The following MIPOL1 variants were observed in gnomAD, a reference collection of about 807,000 sequenced individuals.
MIPOL1 encodes the protein mirror-image polydactyly 1.
MIPOL1 carries 57 observed loss-of-function variants against 60.9 expected under a neutral mutation model. The ratio of observed to expected loss-of-function variants is 0.94; its 90% CI spans 0.76 to 1.17. MIPOL1 has a LOEUF of 1.17. Ranked by LOEUF, MIPOL1 falls within the 50% of genes most tolerant of loss-of-function variation. The pLI is 0.00. For synonymous variants in MIPOL1, 179 were observed against 168.8 expected (o/e 1.06, Z -0.47); for missense variants, 551 against 511.6 (o/e 1.08, Z -0.74).
chr14:37,249,299 G>A (rs1039476726), intron 3 of MIPOL1, among the ~76,000 whole-genome samples: 1 of 151,998 alleles, frequency 6.6e-6, no homozygotes, highest in Non-Finnish European at 1.5e-5. Flanking sequence ...CTCCTGTTCA[G>A]CATAGTCCTG....
Position 37,371,480 on chromosome 14 carries a change from T to A in MIPOL1, c.936+1856T>A, listed in dbSNP as rs147065600. Among the ~76,000 whole-genome samples the A allele has an allele frequency of 2.7e-3, 408 of 151,912 alleles. 5 individuals carry two copies. Among genetic ancestry groups the A allele is most frequent in the East Asian group, 0.026 (135 of 5,180 alleles). ...ATTAAAATCTTTTCTAGTTGCTCATTTTTTTTTGCAAAAGTCTGAAATTTT... is the reference window on the plus strand; with the variant it reads ...ATTAAAATCTTTTCTAGTTGCTCATATTTTTTTGCAAAAGTCTGAAATTTT... On this transcript the variant is annotated intron_variant, in intron 10 of 12. Coordinates refer to ENST00000684589, the MANE Select transcript of MIPOL1 (RefSeq NM_001388067.1).
chr14:37,313,238 A>G (rs1337676117), intron 9 of MIPOL1, among the ~76,000 whole-genome samples: 6 of 152,218 alleles, frequency 3.9e-5, no homozygotes, highest in Non-Finnish European at 1.5e-5. Flanking sequence ...TCACACATCA[A>G]TAAGCAACAG....
intron 11 of MIPOL1, among the ~76,000 whole-genome samples, chr14:37,451,042 A>T (rs1262305242): frequency 2.0e-5 from 3 of 152,198 alleles, no homozygotes; most frequent in African/African-American, 7.2e-5. Context: ...TAATGCAGTC[A>T]TAATATTATA....
rs113661145 is a variant in MIPOL1, at chr14:37,359,614, A to G, written c.829-9903A>G. Reference sequence around the variant, plus strand: ...TTGTAGCAATTGTGAATGGGAGTTCACTCATTATTTGGCTCTCTGTTATTG... The same window carrying G: ...TTGTAGCAATTGTGAATGGGAGTTCGCTCATTATTTGGCTCTCTGTTATTG... On this transcript the variant is annotated intron_variant, in intron 9 of 12. Transcript: ENST00000684589. 6.6e-3 allele frequency among the ~76,000 whole-genome samples: 353 copies of G among 53,512 alleles called. 2 individuals carry two copies. The highest frequency in any genetic ancestry group is 0.021 in the African/African-American group (331 of 15,634). 35.1% of individuals were successfully genotyped at this position (53,512 alleles called of 152,430 possible). A position where few individuals can be genotyped will look rare whatever the true frequency, so the allele number is the denominator to read the frequency against.
chr14:37,221,049 T>A (rs1022168129), intron 1 of MIPOL1, among the ~76,000 whole-genome samples: 9 of 151,322 alleles, frequency 5.9e-5, no homozygotes, highest in Non-Finnish European at 8.9e-5. Flanking sequence ...TTTTTTTTTT[T>A]AGAATTAAAA....
chr14:37,285,943 AGC>A (rs1356806075), intron 7 of MIPOL1, among the ~76,000 whole-genome samples: 1 of 152,162 alleles, frequency 6.6e-6, no homozygotes, highest in Non-Finnish European at 1.5e-5. Context: ...TGTCAGGAAT[AGC>A]AGTCAGTTTA....
At chr14:37,303,347 C>T (rs1008110736) in intron 7 of MIPOL1, among the ~76,000 whole-genome samples, 10 of 151,894 alleles carry the variant, frequency 6.6e-5, no homozygotes, top group Non-Finnish European at 1.3e-4. Context: ...TTCTTAAAAC[C>T]TGATCCTCCT....
intron 1 of MIPOL1, among the ~76,000 whole-genome samples, chr14:37,216,035 C>T (rs189004400): frequency 7.0e-6 from 1 of 142,306 alleles, no homozygotes; most frequent in African/African-American, 2.6e-5. Flanking sequence ...TGCACTCCAG[C>T]CTGGGTGACA....
At chr14:37,481,604 C>CAA (rs1189502419) in intron 11 of MIPOL1, among the ~76,000 whole-genome samples, 2 of 142,246 alleles carry the variant, frequency 1.4e-5, no homozygotes, top group East Asian at 4.2e-4. Flanking sequence ...CACACACACA[C>CAA]ACACACACCG....
chr14:37,497,719 T>C (rs2095153759), intron 11 of MIPOL1, among the ~76,000 whole-genome samples: 1 of 152,160 alleles, frequency 6.6e-6, no homozygotes, highest in South Asian at 2.1e-4. Flanking sequence ...ACGAAGAGAA[T>C]GAAACATCAC....
chr14:37,455,274 T>A (rs2094464987), intron 11 of MIPOL1, among the ~76,000 whole-genome samples: 1 of 152,194 alleles, frequency 6.6e-6, no homozygotes, highest in East Asian at 1.9e-4. Context: ...TTAATACTAA[T>A]ATCCTATTCA....
chr14:37,498,098 T>G (rs1301150783), intron 11 of MIPOL1, among the ~76,000 whole-genome samples: 1 of 152,180 alleles, frequency 6.6e-6, no homozygotes, highest in Non-Finnish European at 1.5e-5. Context: ...TGAACTTCAC[T>G]TACCAATTGT....
intron 1 of MIPOL1, among the ~76,000 whole-genome samples, chr14:37,207,405 G>A (rs1966259676): frequency 6.6e-6 from 1 of 152,144 alleles, no homozygotes. Flanking sequence ...AAATTGCCTA[G>A]TCTTGGGTAT....
At chr14:37,246,033 A>G (rs940510240) in intron 1 of MIPOL1, among the ~76,000 whole-genome samples, 8 of 152,118 alleles carry the variant, frequency 5.3e-5, no homozygotes, top group African/African-American at 1.7e-4. Flanking sequence ...GACAGTTATG[A>G]TAGTACTCAG....
At chr14:37,267,612 T>A (rs2153385698) in intron 4 of MIPOL1, among the ~76,000 whole-genome samples, 1 of 152,330 alleles carries the variant, frequency 6.6e-6, no homozygotes, top group East Asian at 1.9e-4. Context: ...ACTTGGCGAA[T>A]CTACCAGGGT....
chr14:37,346,221 C>T (rs2090935195), intron 9 of MIPOL1, among the ~76,000 whole-genome samples: 1 of 152,074 alleles, frequency 6.6e-6, no homozygotes, highest in Non-Finnish European at 1.5e-5. Context: ...CCCAGCTACT[C>T]AGGGAGCTGA....
chr14:37,461,638 T>C (rs1397082349), intron 11 of MIPOL1, among the ~76,000 whole-genome samples: 6 of 152,148 alleles, frequency 3.9e-5, no homozygotes, highest in African/African-American at 7.2e-5. Context: ...ACTTCCTAGA[T>C]ACAATGGGGG....
Position 37,422,901 on chromosome 14 carries a change from A to T in MIPOL1, c.983A>T (p.Gln328Leu). The stretch of plus-strand genomic sequence containing the variant: ...CAAGCCAGAGAAACTGCAGTTCAAC[A>T]GTACAAAAAACTGGAAGAGGAAATC... The part of the protein sequence containing the change: ...MQQARETAVQ[Q>L]YKKLEEEIQT... Residue 328 changes from glutamine (Q) to leucine (L), a missense_variant, in exon 11 of 13, where the codon CAG becomes CTG. Gln to Leu is a moderately radical substitution (Grantham distance 113). Transcript: ENST00000684589. The T allele has an allele frequency of 6.2e-7, 1 of 1,609,738 alleles. No individual in the cohort carries two copies. The highest frequency in any genetic ancestry group is 8.5e-7 in the Non-Finnish European group (1 of 1,177,424).
In MIPOL1 at chr14:37,549,637, G is replaced by A. The variant is rs1483527623; in HGVS notation, c.*2666G>A. On this transcript the variant is annotated 3_prime_UTR_variant, in exon 13 of 13. Coordinates refer to ENST00000684589, the MANE Select transcript of MIPOL1 (RefSeq NM_001388067.1). ...AGATTTTACTCTTGCAATTTCTGTT[G>A]TGATAGTACCATCTCTTTCACATAC... 6.6e-6 allele frequency: 1 copy of A among 151,778 alleles called. No individual in the cohort carries two copies. Among genetic ancestry groups the A allele is most frequent in the Non-Finnish European group, 1.5e-5 (1 of 67,810 alleles). 9.4% of individuals were successfully genotyped at this position (151,778 alleles called of 1,614,324 possible).
Sources: gnomAD v4.1 joint callset for allele counts (sites outside exome capture counted in the v4.1 genomes callset) on GRCh38, gnomAD v4.1.1 for gene constraint, MANE v1.5 for transcripts, NCBI Gene and HGNC (gene_info 2026-07-23, HGNC 2026-07-21) for gene names.